Variants in KCNH1 observed in about 807,000 individuals in gnomAD.
KCNH1 encodes the protein potassium voltage-gated channel subfamily H member 1.
KCNH1 carries 27 observed loss-of-function variants against 69.2 expected under a neutral mutation model. The ratio of observed to expected loss-of-function variants is 0.39; its 90% confidence interval spans 0.29 to 0.54. The LOEUF is 0.54. KCNH1 is among the 20% of genes least tolerant of loss of function. The probability of loss-of-function intolerance (pLI) is 0.68; values close to 1 mark genes in which losing one functional copy is unlikely to be tolerated. For missense variants in KCNH1, 798 were observed against 1,261.6 expected (o/e 0.63, Z 5.57); for synonymous variants, 456 against 487.7 (o/e 0.93, Z 0.86).
intron 6 of KCNH1, among the ~76,000 whole-genome samples, chr1:210,926,394 T>C (rs1687574664): frequency 6.6e-6 from 1 of 152,114 alleles, no homozygotes; most frequent in African/African-American, 2.4e-5. Flanking sequence ...CACAGGACTC[T>C]TTGCCGACAC....
chr1:211,003,760 A>T (rs1271823384), intron 6 of KCNH1, among the ~76,000 whole-genome samples: 1 of 152,244 alleles, frequency 6.6e-6, no homozygotes, highest in Admixed American at 6.5e-5. Flanking sequence ...CAAAAGAAAT[A>T]ATAGAAGTCT....
At chr1:210,933,564 C>CT (rs1456006429) in intron 6 of KCNH1, among the ~76,000 whole-genome samples, 2 of 150,880 alleles carry the variant, frequency 1.3e-5, no homozygotes, top group African/African-American at 4.9e-5. Flanking sequence ...GAAATAGAGA[C>CT]TAAAAACATA....
At chr1:211,050,733 C>T (rs1317109974) in intron 5 of KCNH1, among the ~76,000 whole-genome samples, 2 of 152,090 alleles carry the variant, frequency 1.3e-5, no homozygotes, top group Non-Finnish European at 2.9e-5. Context: ...ATGTTGCTAT[C>T]ATAATCAAGT....
At chr1:210,982,421 C>T (rs561550004) in intron 6 of KCNH1, among the ~76,000 whole-genome samples, 1 of 151,982 alleles carries the variant, frequency 6.6e-6, no homozygotes, top group Non-Finnish European at 1.5e-5. Flanking sequence ...CCTCCCCCTT[C>T]CCCCCACTCC....
Position 210,936,511 on chromosome 1 carries a change from T to G in KCNH1, c.1033-16442A>C, listed in dbSNP as rs190693660. On this transcript the variant is annotated intron_variant, in intron 6 of 10. Coordinates refer to ENST00000271751, the MANE Select transcript of KCNH1 (RefSeq NM_172362.3). ...GCACTCAAAACCCAAAATTCTCCTC[T>G]CCCTTAACATTCATGCCATTGAGCA... 4.7e-4 allele frequency among the ~76,000 whole-genome samples: 71 copies of G among 152,324 alleles called. 2 individuals carry two copies. The highest frequency in any genetic ancestry group is 3.9e-3 in the Admixed American group (59 of 15,298).
chr1:210,995,806 G>A (rs1051258337), intron 6 of KCNH1, among the ~76,000 whole-genome samples: 7 of 152,164 alleles, frequency 4.6e-5, no homozygotes, highest in Non-Finnish European at 1.0e-4. Context: ...CAGCTTTTGG[G>A]ATTTGGGGAT....
chr1:211,112,516 A>AAAAAAAC (rs1691493707), intron 1 of KCNH1, among the ~76,000 whole-genome samples: 1 of 146,718 alleles, frequency 6.8e-6, no homozygotes, highest in African/African-American at 2.5e-5. Context: ...AAAAAAAAAA[A>AAAAAAAC]AAAAAAACAA....
At chr1:211,015,362 T>C (rs756443217) in intron 6 of KCNH1, among the ~76,000 whole-genome samples, 36 of 152,352 alleles carry the variant, frequency 2.4e-4, no homozygotes, top group Middle Eastern at 3.4e-3. Flanking sequence ...ATTACTGTGA[T>C]TATATGATAT....
intron 5 of KCNH1, among the ~76,000 whole-genome samples, chr1:211,023,148 A>T (rs1397585147): frequency 2.0e-5 from 3 of 148,034 alleles, no homozygotes; most frequent in Non-Finnish European, 4.5e-5. Context: ...ATAAATAAAT[A>T]AATAAATAAA....
chr1:210,876,309 T>C (rs1027130036), intron 7 of KCNH1, among the ~76,000 whole-genome samples: 2 of 152,196 alleles, frequency 1.3e-5, no homozygotes, highest in Non-Finnish European at 2.9e-5. Flanking sequence ...CATCTCTGTT[T>C]GGCATCTCAA....
intron 7 of KCNH1, among the ~76,000 whole-genome samples, chr1:210,851,171 T>G (rs926827366): frequency 1.3e-5 from 2 of 152,246 alleles, no homozygotes; most frequent in Non-Finnish European, 2.9e-5. Flanking sequence ...GTCACAGCAC[T>G]GCCAGCCTTT....
At chr1:210,938,504 CCTCT>C (rs1291816087) in intron 6 of KCNH1, among the ~76,000 whole-genome samples, 1 of 152,112 alleles carries the variant, frequency 6.6e-6, no homozygotes, top group African/African-American at 2.4e-5. Context: ...GCAATATCTC[CCTCT>C]GTCTTCTAGA....
intron 10 of KCNH1, among the ~76,000 whole-genome samples, chr1:210,762,323 G>C (rs558478663): frequency 6.6e-6 from 1 of 152,124 alleles, no homozygotes; most frequent in Middle Eastern, 3.4e-3. Context: ...AAAGGAACTA[G>C]AAAACAAGAA....
At chr1:210,893,653 T>TA (rs1418186024) in intron 7 of KCNH1, among the ~76,000 whole-genome samples, 1 of 152,048 alleles carries the variant, frequency 6.6e-6, no homozygotes, top group Admixed American at 6.6e-5. Flanking sequence ...TTTTAAATTA[T>TA]AAAAGCAGCC....
chr1:210,998,443 A>G (rs902264450), intron 6 of KCNH1, among the ~76,000 whole-genome samples: 1 of 152,230 alleles, frequency 6.6e-6, no homozygotes, highest in Non-Finnish European at 1.5e-5. Context: ...AAAGGGATCA[A>G]TTCAACAAGA....
chr1:210,954,454 G>C (rs1255977271), intron 6 of KCNH1, among the ~76,000 whole-genome samples: 2 of 152,136 alleles, frequency 1.3e-5, no homozygotes, highest in African/African-American at 4.8e-5. Context: ...GGTATTTCTA[G>C]TTCCAGATCC....
rs114631468 is a variant in KCNH1, at chr1:210,900,103, C to T, written c.1462+19537G>A. 5.0e-3 allele frequency among the ~76,000 whole-genome samples: 767 copies of T among 152,342 alleles called. 6 individuals are homozygous for T. Among genetic ancestry groups the T allele is most frequent in the African/African-American group, 0.018 (734 of 41,570 alleles). Reference sequence around the variant, plus strand: ...AAGAACAAGTGGTAAACAAGGTAAACTCAATTCTTCCACTTAAGGAGCTTA... The same window carrying T: ...AAGAACAAGTGGTAAACAAGGTAAATTCAATTCTTCCACTTAAGGAGCTTA... On this transcript the variant is annotated intron_variant, in intron 7 of 10. Coordinates refer to ENST00000271751, the MANE Select transcript of KCNH1 (RefSeq NM_172362.3).
intron 10 of KCNH1, among the ~76,000 whole-genome samples, chr1:210,727,047 A>T (rs1483162224): frequency 6.6e-6 from 1 of 152,160 alleles, no homozygotes; most frequent in Non-Finnish European, 1.5e-5. Flanking sequence ...AACAATTGCT[A>T]ATGATGATGA....
intron 10 of KCNH1, among the ~76,000 whole-genome samples, chr1:210,712,390 C>T (rs1437254551): frequency 1.3e-5 from 2 of 152,158 alleles, no homozygotes; most frequent in African/African-American, 4.8e-5. Context: ...GAAATAAAAA[C>T]TCCGCCTGCT....
Sources: allele counts gnomAD v4.1 joint callset (sites outside exome capture counted in the v4.1 genomes callset), GRCh38; gene constraint gnomAD v4.1.1; transcripts MANE v1.5; gene names NCBI Gene and HGNC (gene_info 2026-07-23, HGNC 2026-07-21).